Variants in KNG1 observed in about 807,000 individuals in gnomAD.
KNG1 encodes kininogen 1.
In KNG1, 23 loss-of-function variants were observed where a neutral mutation model predicts 47.8. That is an observed-to-expected ratio of 0.48 (90% confidence interval 0.35 to 0.68). The LOEUF is 0.68. Ranked by LOEUF, KNG1 falls within the 30% of genes least tolerant of loss-of-function variation. The pLI is 0.01. For synonymous variants in KNG1, 277 were observed against 277.0 expected, an observed-to-expected ratio of 1.00 and a Z score of 0.00; for missense variants, 762 against 790.2, an observed-to-expected ratio of 0.96 and a Z score of 0.43.
chr3:186,739,529 T>C, intron 9 of KNG1, 115 bp downstream of exon 9: 1 of 756,874 alleles, frequency 1.3e-6, no homozygotes, highest in Non-Finnish European at 2.4e-6. Flanking sequence ...CTTTTTTAAA[T>C]GGGGAGTAAC....
At chr3:186,732,374 C>G in intron 6 of KNG1, 128 bp from the exon 7 acceptor site, 2 of 802,616 alleles carry the variant, frequency 2.5e-6, no homozygotes, top group South Asian at 2.9e-5. Flanking sequence ...AACCTTCCCC[C>G]ACTCACTACT....
At chr3:186,732,356 AG>A (rs1418253101) in intron 6 of KNG1, 145 bp from the exon 7 acceptor site, 2 of 721,164 alleles carry the variant, frequency 2.8e-6, no homozygotes, top group African/African-American at 3.5e-5. Flanking sequence ...AGTGAAAGTC[AG>A]ACAGACAACC....
At chr3:186,717,802 TCA>T (rs10662949) in intron 1 of KNG1, 65 bp downstream of exon 1, 2,750 of 1,036,684 alleles carry the variant, frequency 2.7e-3, no homozygotes, top group Non-Finnish European at 3.2e-3. Flanking sequence ...AGTCCAGGCC[TCA>T]CACACACACA....
In KNG1 at chr3:186,731,540, A is replaced by T; in HGVS notation, c.673-5A>T. On this transcript the variant is annotated splice_region_variant and splice_polypyrimidine_tract_variant and intron_variant, in intron 5 of 9. Transcript: ENST00000644859. ...CTGAGCACTTATATGCTTTTTAAAA[A>T]CCAGGATACCGGTGAATGTACAGAT... 6.3e-7 allele frequency: 1 copy of T among 1,597,430 alleles called. No homozygotes were observed.
chr3:186,731,530 C>T lies in KNG1; in HGVS notation c.673-15C>T. On this transcript the variant is annotated splice_polypyrimidine_tract_variant and intron_variant, in intron 5 of 9. Transcript: ENST00000644859. ...ATGTTTTTAACTGAGCACTTATATG[C>T]TTTTTAAAAACCAGGATACCGGTGA... 1 of 1,563,648 alleles carries T rather than the reference C, an allele frequency of 6.4e-7. No homozygotes were observed. Among genetic ancestry groups the T allele is most frequent in the Non-Finnish European group, 8.8e-7 (1 of 1,134,310 alleles).
chr3:186,743,682 ACTGC>A lies in KNG1; in HGVS notation c.*1352_*1355del. The A allele has an allele frequency of 6.4e-7, 1 of 1,572,626 alleles. No homozygotes were observed. The highest frequency in any genetic ancestry group is 2.2e-5 in the East Asian group (1 of 44,694). On this transcript the variant is annotated 3_prime_UTR_variant, in exon 10 of 10. Transcript: ENST00000644859. The stretch of plus-strand genomic sequence containing the variant: ...ATGATTGAATGATAACATCATATTA[ACTGC>A]GTTTTACTATACTTACAGAGTCACC...
In KNG1 at chr3:186,741,897, C is replaced by A; in HGVS notation, c.1501C>A (p.His501Asn). The change falls in exon 10 of 10, where the codon CAT becomes AAT. Residue 501 changes from histidine (H) to asparagine (N), a missense_variant. By Grantham distance (68) the His-to-Asn change is moderately conservative. Transcript: ENST00000644859. Reference sequence around the variant, plus strand: ...CCATGGACATAAGCATAAGCATGGTCATGGCCACGGAAAACATAAAAATAA... The same window carrying A: ...CCATGGACATAAGCATAAGCATGGTAATGGCCACGGAAAACATAAAAATAA... ...LDHGHKHKHG[H>N]GHGKHKNKGK... The A allele has an allele frequency of 1.2e-6, 2 of 1,614,002 alleles. No individual in the cohort carries two copies. Among genetic ancestry groups the A allele is most frequent in the South Asian group, 2.2e-5 (2 of 91,030 alleles).
Position 186,732,484 on chromosome 3 carries a change from A to G in KNG1, c.758-18A>G, listed in dbSNP as rs1167292466. Reference sequence around the variant, plus strand: ...GCTACTTCAGTGTACATGTTGACTTAAAACCTGATCCTTTCAGGGAAGGAT... The same window carrying G: ...GCTACTTCAGTGTACATGTTGACTTGAAACCTGATCCTTTCAGGGAAGGAT... On this transcript the variant is annotated intron_variant, in intron 6 of 9. Coordinates refer to ENST00000644859, the MANE Select transcript of KNG1 (RefSeq NM_001102416.3). The G allele has an allele frequency of 6.2e-7, 1 of 1,613,704 alleles. No individual in the cohort carries two copies. Among genetic ancestry groups the G allele is most frequent in the Non-Finnish European group, 8.5e-7 (1 of 1,179,610 alleles).
chr3:186,744,161 A>C lies in KNG1; in HGVS notation c.*1830A>C. Reference sequence around the variant, plus strand: ...TCATGCTTCTACCAGTAATCTAAGGACTCTCTCCTTCTCTTCTTCCTCTTT... The same window carrying C: ...TCATGCTTCTACCAGTAATCTAAGGCCTCTCTCCTTCTCTTCTTCCTCTTT... On this transcript the variant is annotated 3_prime_UTR_variant, in exon 10 of 10. Coordinates refer to ENST00000644859, the MANE Select transcript of KNG1 (RefSeq NM_001102416.3). The C allele has an allele frequency of 4.0e-6, 1 of 252,916 alleles. No individual in the cohort carries two copies. Among genetic ancestry groups the C allele is most frequent in the Non-Finnish European group, 7.8e-6 (1 of 128,278 alleles). The allele number at this position is 252,916 out of a possible 1,614,324, so 15.7% of individuals were successfully genotyped here.
chr3:186,732,598 C>T lies in KNG1; in HGVS notation c.854C>T (p.Thr285Ile), dbSNP rs774171070. ...SPELEETLTH[T>I]ITKLNAENNA... is the part of the protein sequence containing the mutation. ...GAGCTGGAGGAGACACTGACTCACACCATCACAAAGCTTAATGCAGAGAAT... is the reference window on the plus strand; with the variant it reads ...GAGCTGGAGGAGACACTGACTCACATCATCACAAAGCTTAATGCAGAGAAT... Residue 285 changes from threonine to isoleucine, a missense_variant, in exon 7 of 10, where the codon ACC (threonine) becomes ATC (isoleucine). Thr to Ile is a moderately conservative substitution (Grantham distance 89). Transcript: ENST00000644859. 3.1e-6 allele frequency: 5 copies of T among 1,613,988 alleles called. No homozygotes were observed. Among genetic ancestry groups the T allele is most frequent in the Non-Finnish European group, 4.2e-6 (5 of 1,179,842 alleles).
At chr3:186,722,347 T>C (rs1720226941) in intron 2 of KNG1, 90 bp from the exon 3 acceptor site, 2 of 1,089,182 alleles carry the variant, frequency 1.8e-6, no homozygotes, top group Admixed American at 2.0e-5. Context: ...TTTGTTTTGC[T>C]TTTTAAGGAA....
At chr3:186,732,406 C>G in intron 6 of KNG1, 96 bp from the exon 7 acceptor site, 1 of 1,162,176 alleles carries the variant, frequency 8.6e-7, no homozygotes, top group Non-Finnish European at 1.3e-6. Flanking sequence ...CCCATGTAGC[C>G]CCTTATACAT....
chr3:186,739,519 CT>C, intron 9 of KNG1, 105 bp downstream of exon 9: 1 of 799,260 alleles, frequency 1.3e-6, no homozygotes, highest in Non-Finnish European at 2.2e-6. Context: ...GGGGAGCTAT[CT>C]TTTTTAAATG....
intron 4 of KNG1, 128 bp downstream of exon 4, chr3:186,725,388 C>T: frequency 3.3e-6 from 3 of 913,692 alleles, no homozygotes; most frequent in Non-Finnish European, 5.3e-6. Flanking sequence ...GAGCTTTCTC[C>T]TTAGTCAAAG....
intron 6 of KNG1, 59 bp downstream of exon 6, chr3:186,731,688 T>C: frequency 8.9e-7 from 1 of 1,120,642 alleles, no homozygotes; most frequent in Non-Finnish European, 1.4e-6. Context: ...GACAACTGGC[T>C]GAGTCTTTTC....
chr3:186,734,114 C>G (rs1275207949), intron 7 of KNG1, among the ~76,000 whole-genome samples: 1 of 152,188 alleles, frequency 6.6e-6, no homozygotes, highest in East Asian at 1.9e-4. Context: ...CAAATTGTTA[C>G]AGCAAGCCAA....
At chr3:186,723,817 A>G (rs1720273853) in intron 3 of KNG1, among the ~76,000 whole-genome samples, 1 of 151,718 alleles carries the variant, frequency 6.6e-6, no homozygotes, top group South Asian at 2.1e-4. Context: ...CCACGCCCGG[A>G]TAATTTTTGT....
At chr3:186,737,038 G>C (rs5030068) in intron 7 of KNG1, among the ~76,000 whole-genome samples, 1 of 151,856 alleles carries the variant, frequency 6.6e-6, no homozygotes, top group Non-Finnish European at 1.5e-5. Context: ...GTGAGACTCC[G>C]TCTCAAAAAA....
In KNG1 at chr3:186,742,075, T is replaced by C; in HGVS notation, c.1679T>C (p.Phe560Ser). 1 of 1,613,900 alleles carries C rather than the reference T, an allele frequency of 6.2e-7. No homozygotes were observed. The highest frequency in any genetic ancestry group is 8.5e-7 in the Non-Finnish European group (1 of 1,179,834). Residue 560 changes from phenylalanine to serine, a missense_variant, in exon 10 of 10, where the codon TTT (phenylalanine) becomes TCT (serine). Phe to Ser is a radical substitution (Grantham distance 155). Transcript: ENST00000644859. ...SLAKPGVTVTFSDFQDSDLIA... is the reference protein window; with the variant it reads ...SLAKPGVTVTSSDFQDSDLIA... The stretch of plus-strand genomic sequence containing the variant: ...GCCAAGCCAGGTGTAACAGTTACCT[T>C]TTCTGACTTTCAGGACTCTGATCTC...
Sources: allele counts gnomAD v4.1 joint callset (sites outside exome capture counted in the v4.1 genomes callset), GRCh38; gene constraint gnomAD v4.1.1; transcripts MANE v1.5; gene names NCBI Gene and HGNC (gene_info 2026-07-23, HGNC 2026-07-21).